SASH1: variants seen among roughly 807,000 people sequenced by gnomAD.
The protein encoded by SASH1 is SAM and SH3 domain containing 1.
In SASH1, 44 loss-of-function variants were observed where a neutral mutation model predicts 125.2. That is an observed-to-expected ratio of 0.35 (90% CI 0.28 to 0.45). SASH1 has a LOEUF of 0.45. Ranked by LOEUF, SASH1 falls within the 20% of genes least tolerant of loss-of-function variation. SASH1 has a pLI of 1.00. For missense variants in SASH1, 1,426 were observed against 1,614.5 expected (o/e 0.88, Z 2.00); for synonymous variants, 639 against 649.1 (o/e 0.98, Z 0.24).
At chr6:148,378,386 ACT>A (rs1192400189) in intron 1 of SASH1, among the ~76,000 whole-genome samples, 3 of 126,374 alleles carry the variant, frequency 2.4e-5, no homozygotes, top group African/African-American at 9.1e-5. Flanking sequence ...ACAGGGTCTC[ACT>A]CTGTCGCCCA....
intron 1 of SASH1, among the ~76,000 whole-genome samples, chr6:148,347,611 C>G (rs1056088088): frequency 1.3e-5 from 2 of 152,172 alleles, no homozygotes; most frequent in African/African-American, 4.8e-5. Context: ...AATGCTAACT[C>G]CTTTGAAAGC....
intron 1 of SASH1, among the ~76,000 whole-genome samples, chr6:148,366,569 C>G (rs1782467231): frequency 6.6e-6 from 1 of 152,144 alleles, no homozygotes; most frequent in African/African-American, 2.4e-5. Context: ...ATTTGTAAAA[C>G]TAAAAGAAAA....
chr6:148,478,538 T>C (rs1011063531), intron 7 of SASH1, among the ~76,000 whole-genome samples: 2 of 152,058 alleles, frequency 1.3e-5, no homozygotes, highest in African/African-American at 4.8e-5. Flanking sequence ...GGGATGGTAG[T>C]GAGGAGGTGA....
Position 148,310,424 on chromosome 6 carries a change from G to GA in SASH1, n.74+38064dup, listed in dbSNP as rs5880770. ...CTGGAACAATAGGACATCCATATGT[G>GA]AAAAAAAAAAAAAAAAATAGATTGT... On this transcript the variant is annotated intron_variant and non_coding_transcript_variant, in intron 1 of 3. Transcript: ENST00000367469. Among the ~76,000 whole-genome samples, 1,122 of 141,268 alleles carry GA rather than the reference G, an allele frequency of 7.9e-3. 6 individuals carry two copies. Among genetic ancestry groups the GA allele is most frequent in the Non-Finnish European group, 0.012 (793 of 65,064 alleles). The allele number at this position is 141,268 out of a possible 152,430, so 92.7% of individuals were successfully genotyped here. A position where few individuals can be genotyped will look rare whatever the true frequency, so the allele number is the denominator to read the frequency against.
intron 1 of SASH1, among the ~76,000 whole-genome samples, chr6:148,363,919 G>C (rs1562353335): frequency 6.6e-6 from 1 of 152,024 alleles, no homozygotes; most frequent in Non-Finnish European, 1.5e-5. Context: ...TTCTATAATG[G>C]ACATTTTAAT....
chr6:148,479,878 G>A (rs1189824327), intron 7 of SASH1: 1 of 152,752 alleles, frequency 6.5e-6, no homozygotes, highest in Non-Finnish European at 1.5e-5. Context: ...GTGAGCACCT[G>A]TTGGCAGATG....
At chr6:148,209,301 G>A in the SASH1 span, among the ~76,000 whole-genome samples, 1 of 152,178 alleles carries the variant, frequency 6.6e-6, no homozygotes, top group Non-Finnish European at 1.5e-5. Context: ...TTAATCAAAA[G>A]CTGTTTCTTC....
At chr6:148,411,161 A>G in intron 2 of SASH1, among the ~76,000 whole-genome samples, 1 of 84,414 alleles carries the variant, frequency 1.2e-5, no homozygotes, top group Non-Finnish European at 2.2e-5. Context: ...GCGAAACTCC[A>G]TCTCCAAAAA....
At chr6:148,457,688 A>G (rs1487109990) in intron 4 of SASH1, among the ~76,000 whole-genome samples, 1 of 152,160 alleles carries the variant, frequency 6.6e-6, no homozygotes. Flanking sequence ...GTATTCATCC[A>G]TCCTCACGCT....
intron 10 of SASH1, among the ~76,000 whole-genome samples, chr6:148,521,182 T>A (rs952888194): frequency 2.6e-5 from 4 of 152,214 alleles, no homozygotes; most frequent in African/African-American, 9.7e-5. Flanking sequence ...CACCTAACTT[T>A]TAGTTTGCAC....
intron 1 of SASH1, among the ~76,000 whole-genome samples, chr6:148,282,161 G>A (rs1779359537): frequency 6.6e-6 from 1 of 152,190 alleles, no homozygotes; most frequent in South Asian, 2.1e-4. Flanking sequence ...CTCCGCCCGG[G>A]GCTACAGTCA....
the SASH1 span, among the ~76,000 whole-genome samples, chr6:148,226,825 TG>T: frequency 6.6e-6 from 1 of 152,300 alleles, no homozygotes; most frequent in Middle Eastern, 3.4e-3. Context: ...CTCCGGAAGC[TG>T]GGGTCCTACC....
intron 8 of SASH1, among the ~76,000 whole-genome samples, chr6:148,494,375 T>C (rs993359903): frequency 7.2e-5 from 11 of 152,234 alleles, no homozygotes; most frequent in Non-Finnish European, 1.5e-4. Context: ...ATTGTGTTTC[T>C]GTAGCTGGAG....
chr6:148,409,421 G>T (rs1291500438), intron 2 of SASH1, among the ~76,000 whole-genome samples: 3 of 152,202 alleles, frequency 2.0e-5, no homozygotes, highest in Admixed American at 6.5e-5. Flanking sequence ...TCTTGAAAGT[G>T]TCTGAAATAC....
intron 1 of SASH1, among the ~76,000 whole-genome samples, chr6:148,382,509 C>T (rs561454424): frequency 6.6e-6 from 1 of 152,144 alleles, no homozygotes; most frequent in Admixed American, 6.5e-5. Flanking sequence ...AGGCTGGTCT[C>T]GAATTCCCGA....
intron 7 of SASH1, chr6:148,480,703 A>T (rs2115172026): frequency 6.5e-6 from 1 of 153,488 alleles, no homozygotes; most frequent in South Asian, 2.1e-4. Flanking sequence ...TAAATTATAA[A>T]ACCGTGGTTC....
chr6:148,466,360 C>T (rs1777837862), intron 4 of SASH1, among the ~76,000 whole-genome samples: 1 of 152,220 alleles, frequency 6.6e-6, no homozygotes, highest in African/African-American at 2.4e-5. Context: ...AATGGTGGTG[C>T]TTGCAGGGCA....
intron 1 of SASH1, among the ~76,000 whole-genome samples, chr6:148,298,667 G>GAGGGAGGAAGGA (rs1406840175): frequency 1.6e-4 from 9 of 55,714 alleles, no homozygotes; most frequent in Middle Eastern, 0.015. Flanking sequence ...GGGAGGGAGG[G>GAGGGAGGAAGGA]AGGAAGGAAG....
intron 8 of SASH1, among the ~76,000 whole-genome samples, chr6:148,506,970 A>G (rs1382657024): frequency 6.6e-6 from 1 of 152,188 alleles, no homozygotes; most frequent in African/African-American, 2.4e-5. Flanking sequence ...TGGGAATGCT[A>G]AGCTTTGGAC....
Sources: gnomAD v4.1 joint callset for allele counts (sites outside exome capture counted in the v4.1 genomes callset) on GRCh38, gnomAD v4.1.1 for gene constraint, MANE v1.5 for transcripts, NCBI Gene and HGNC (gene_info 2026-07-23, HGNC 2026-07-21) for gene names.